TGFBR1: variants seen among roughly 807,000 people sequenced by gnomAD.
The protein encoded by TGFBR1 is TGF-beta receptor type-1.
TGFBR1 carries 20 observed loss-of-function variants against 55.1 expected under a neutral mutation model. That is an observed-to-expected ratio of 0.36 (90% CI 0.26 to 0.53). TGFBR1 has a LOEUF of 0.53. Ranked by LOEUF, TGFBR1 falls within the 20% of genes least tolerant of loss-of-function variation. TGFBR1 has a pLI of 0.91. For missense variants in TGFBR1, 385 were observed against 617.6 expected (o/e 0.62, Z 3.99); for synonymous variants, 220 against 214.8 (o/e 1.02, Z -0.21).
intron 1 of TGFBR1, among the ~76,000 whole-genome samples, chr9:99,125,491 C>T (rs756519593): frequency 1.3e-5 from 2 of 152,238 alleles, no homozygotes; most frequent in Non-Finnish European, 2.9e-5. Flanking sequence ...CCATATAGCA[C>T]TTGCATATAA....
chr9:99,126,323 C>A (rs998365764), intron 1 of TGFBR1, among the ~76,000 whole-genome samples: 1 of 152,146 alleles, frequency 6.6e-6, no homozygotes, highest in African/African-American at 2.4e-5. Context: ...CCATGGTGAT[C>A]TGAGAACTGG....
At chr9:99,141,856 C>T (rs998790058) in intron 4 of TGFBR1, among the ~76,000 whole-genome samples, 2 of 152,334 alleles carry the variant, frequency 1.3e-5, no homozygotes, top group East Asian at 1.9e-4. Context: ...TTGGAACCCA[C>T]GTTCCTCGTT....
intron 4 of TGFBR1, among the ~76,000 whole-genome samples, chr9:99,141,290 T>G (rs1827610068): frequency 6.6e-6 from 1 of 152,194 alleles, no homozygotes; most frequent in Non-Finnish European, 1.5e-5. Context: ...GAAGAACAAA[T>G]TAATACTAAG....
chr9:99,149,387 A>G lies in TGFBR1; in HGVS notation c.*82A>G. 1 of 1,563,668 alleles carries G rather than the reference A, an allele frequency of 6.4e-7. No homozygotes were observed. The highest frequency in any genetic ancestry group is 1.1e-5 in the South Asian group (1 of 89,602). On this transcript the variant is annotated 3_prime_UTR_variant, in exon 9 of 9. Transcript: ENST00000374994. ...TTTGGGAGGTCAATTGTTCTACCTC[A>G]CTGAGAGGGAACAGAAGGATATTGC...
At chr9:99,108,685 G>C (rs1826482052) in intron 1 of TGFBR1, among the ~76,000 whole-genome samples, 1 of 152,142 alleles carries the variant, frequency 6.6e-6, no homozygotes, top group Non-Finnish European at 1.5e-5. Flanking sequence ...TCCAAGGGAG[G>C]AAACAAGGCT....
At position 99,144,735 on chromosome 9, in the gene TGFBR1, A is replaced by G. The variant is rs863223834; in HGVS notation, c.977A>G (p.Lys326Arg). Residue 326 changes from lysine to arginine, a missense_variant, in exon 6 of 9, where the codon AAG (lysine) becomes AGG (arginine). By Grantham distance (26) the Lys-to-Arg change is conservative. Coordinates refer to ENST00000374994, the MANE Select transcript of TGFBR1 (RefSeq NM_004612.4). ...LHMEIVGTQG[K>R]PAIAHRDLKS... is the part of the protein sequence containing the mutation. ...TGTTTAATTTTTGATTCTTTAGGAA[A>G]GCCAGCCATTGCTCATAGAGATTTG... 1 of 1,613,688 alleles carries G rather than the reference A, an allele frequency of 6.2e-7. No homozygotes were observed. The highest frequency in any genetic ancestry group is 1.3e-5 in the African/African-American group (1 of 74,906).
At chr9:99,125,461 T>C (rs1172593346) in intron 1 of TGFBR1, among the ~76,000 whole-genome samples, 1 of 152,238 alleles carries the variant, frequency 6.6e-6, no homozygotes, top group East Asian at 1.9e-4. Flanking sequence ...TGTTTGCAAA[T>C]TGTACTACAC....
intron 1 of TGFBR1, among the ~76,000 whole-genome samples, chr9:99,106,758 C>T (rs530182854): frequency 5.5e-4 from 83 of 152,240 alleles, no homozygotes; most frequent in Non-Finnish European, 1.1e-3. Flanking sequence ...TTTTCTTCTT[C>T]AGTCGTCTGA....
Position 99,142,720 on chromosome 9 carries a change from T to G in TGFBR1, c.973+17T>G. On this transcript the variant is annotated intron_variant, in intron 5 of 8. Transcript: ENST00000374994. The stretch of plus-strand genomic sequence containing the variant: ...GTACCCAAGGTAATTCTATAAGCAG[T>G]TCTATTATTTAAGCTTTAAATTTTC... 1 of 1,613,556 alleles carries G rather than the reference T, an allele frequency of 6.2e-7. No homozygotes were observed.
At chr9:99,116,345 C>A (rs138116425) in intron 1 of TGFBR1, among the ~76,000 whole-genome samples, 1 of 152,100 alleles carries the variant, frequency 6.6e-6, no homozygotes, top group Non-Finnish European at 1.5e-5. Flanking sequence ...TCTGCGAGGA[C>A]CAACAGGCTC....
intron 3 of TGFBR1, among the ~76,000 whole-genome samples, chr9:99,134,670 C>T (rs1040705483): frequency 6.6e-6 from 1 of 151,260 alleles, no homozygotes; most frequent in Admixed American, 6.6e-5. Flanking sequence ...ATGCCACTTG[C>T]CACAGTGGAA....
intron 3 of TGFBR1, among the ~76,000 whole-genome samples, chr9:99,133,904 C>T (rs750184083): frequency 4.6e-5 from 7 of 150,880 alleles, no homozygotes; most frequent in Admixed American, 1.3e-4. Context: ...CTCGGGAGGC[C>T]GAGACAGGAG....
In TGFBR1 at chr9:99,142,532, A is replaced by G; in HGVS notation, c.806-4A>G. 2 of 1,614,056 alleles carry G rather than the reference A, an allele frequency of 1.2e-6. No homozygotes were observed. Among genetic ancestry groups the G allele is most frequent in the South Asian group, 2.2e-5 (2 of 91,088 alleles). On this transcript the variant is annotated splice_polypyrimidine_tract_variant and splice_region_variant and intron_variant, in intron 4 of 8. Coordinates refer to ENST00000374994, the MANE Select transcript of TGFBR1 (RefSeq NM_004612.4). ...CCAACCGAAATGTTAATTCTGTTTT[A>G]CAGACAATGGTACTTGGACTCAGCT...
At chr9:99,132,843 T>G (rs759203024) in intron 3 of TGFBR1, 104 bp downstream of exon 3, 405 of 1,423,344 alleles carry the variant, frequency 2.8e-4, no homozygotes, top group Non-Finnish European at 3.4e-4. Context: ...TGTGAGATAG[T>G]ATAAATAATA....
chr9:99,148,338 T>C (rs566752209), intron 8 of TGFBR1, among the ~76,000 whole-genome samples: 1 of 152,360 alleles, frequency 6.6e-6, no homozygotes, highest in South Asian at 2.1e-4. Flanking sequence ...GCTGCTCAAC[T>C]TCAGCTCTAA....
intron 1 of TGFBR1, among the ~76,000 whole-genome samples, chr9:99,125,088 A>C (rs1211858503): frequency 6.6e-6 from 1 of 152,212 alleles, no homozygotes; most frequent in East Asian, 1.9e-4. Flanking sequence ...AGTAGAAAAA[A>C]ATAGCTTTAG....
intron 1 of TGFBR1, 132 bp downstream of exon 1, chr9:99,105,434 G>A: frequency 1.3e-6 from 1 of 797,094 alleles, no homozygotes; most frequent in Non-Finnish European, 1.5e-6. Flanking sequence ...CCCGGGCCGG[G>A]CTCTCGTGGC....
intron 4 of TGFBR1, among the ~76,000 whole-genome samples, chr9:99,141,107 A>G (rs1411796617): frequency 6.6e-6 from 1 of 152,122 alleles, no homozygotes; most frequent in Non-Finnish European, 1.5e-5. Context: ...TATCTTGTCC[A>G]TAACCTGTGG....
rs551513729 is a variant in TGFBR1 at position 99,106,580 on chromosome 9, G to A, written c.97+1278G>A. Among the ~76,000 whole-genome samples the A allele has an allele frequency of 3.9e-5, 6 of 152,324 alleles. No homozygotes were observed. The South Asian group carries it at 1.2e-3, about 32-fold the overall frequency. On this transcript the variant is annotated intron_variant, in intron 1 of 8. Coordinates refer to ENST00000374994, the MANE Select transcript of TGFBR1 (RefSeq NM_004612.4). ...CACCACAAGTAAACTCCCAGGAGTA[G>A]TGGCATTTGCCCCACTTTACAGATG... is the stretch of plus-strand genomic sequence containing the variant.
Sources: gnomAD v4.1 joint callset for allele counts (sites outside exome capture counted in the v4.1 genomes callset) on GRCh38, gnomAD v4.1.1 for gene constraint, MANE v1.5 for transcripts, NCBI Gene and HGNC (gene_info 2026-07-23, HGNC 2026-07-21) for gene names.